The following TAOK1 variants were observed in gnomAD, a reference collection of about 807,000 sequenced individuals.
The protein encoded by TAOK1 is serine/threonine-protein kinase TAO1.
Under a neutral mutation model 138.3 loss-of-function variants are expected in TAOK1, and 21 were observed. The observed-to-expected ratio is 0.15, with a 90% CI of 0.11 to 0.22. The LOEUF (loss-of-function observed/expected upper bound fraction) is 0.22. Ranked by LOEUF, TAOK1 falls within the 10% of genes least tolerant of loss-of-function variation. The pLI is 1.00. For missense variants in TAOK1, 651 were observed against 1,227.7 expected, an observed-to-expected ratio of 0.53 and a Z score of 7.02; for synonymous variants, 361 against 398.4, an observed-to-expected ratio of 0.91 and a Z score of 1.12.
chr17:29,535,000 G>A (rs1423597795), intron 19 of TAOK1, among the ~76,000 whole-genome samples: 1 of 151,768 alleles, frequency 6.6e-6, no homozygotes, highest in African/African-American at 2.4e-5. Context: ...GATTTTGAGA[G>A]GTAAAGAGAA....
chr17:29,463,865 A>G (rs964447998), intron 2 of TAOK1, among the ~76,000 whole-genome samples: 2 of 152,204 alleles, frequency 1.3e-5, no homozygotes, highest in Non-Finnish European at 2.9e-5. Flanking sequence ...TTACAACTCA[A>G]TAATAAAAAG....
Position 29,397,837 on chromosome 17 carries a change from GTA to G in TAOK1, c.-95+6825_-95+6826del, listed in dbSNP as rs765173532. Among the ~76,000 whole-genome samples the G allele has an allele frequency of 3.7e-3, 549 of 147,498 alleles. 2 individuals carry two copies. Among genetic ancestry groups the G allele is most frequent in the South Asian group, 8.4e-3 (40 of 4,776 alleles). ...TATGTATATACATGTATATATATGT[GTA>G]TATATATATATGTATGTCACCATTT... On this transcript the variant is annotated intron_variant, in intron 1 of 19. Transcript: ENST00000261716.
At chr17:29,431,469 A>T (rs1266016337) in intron 1 of TAOK1, among the ~76,000 whole-genome samples, 1 of 151,882 alleles carries the variant, frequency 6.6e-6, no homozygotes, top group African/African-American at 2.4e-5. Context: ...AAAAAACCTT[A>T]GGTTTTTGGA....
At chr17:29,522,162 A>G in intron 16 of TAOK1, 118 bp from the exon 17 acceptor site, 1 of 1,313,422 alleles carries the variant, frequency 7.6e-7, no homozygotes, top group Non-Finnish European at 1.0e-6. Flanking sequence ...TTACTATGCA[A>G]CTATAATTGA....
chr17:29,522,144 C>A, intron 16 of TAOK1, 136 bp from the exon 17 acceptor site: 3 of 1,143,164 alleles, frequency 2.6e-6, no homozygotes, highest in Non-Finnish European at 2.4e-6. Context: ...AAGTCACAAC[C>A]CTCTTATTTA....
Position 29,547,064 on chromosome 17 carries a change from A to G in TAOK1, c.*4042A>G, listed in dbSNP as rs1470255680. The G allele has an allele frequency of 6.6e-6, 1 of 152,156 alleles. No homozygotes were observed. The highest frequency in any genetic ancestry group is 1.9e-4 in the East Asian group (1 of 5,200). 9.4% of individuals were successfully genotyped at this position (152,156 alleles called of 1,614,324 possible). ...TGTTGTGATGCAATAAGAGATAAGTAATGCAGAGAGAAATGAACCATGGAA... is the reference window on the plus strand; with the variant it reads ...TGTTGTGATGCAATAAGAGATAAGTGATGCAGAGAGAAATGAACCATGGAA... On this transcript the variant is annotated 3_prime_UTR_variant, in exon 20 of 20. Transcript: ENST00000261716.
rs543920041 is a variant in TAOK1 at position 29,537,139 on chromosome 17, A to G, written c.2544+2839A>G. On this transcript the variant is annotated intron_variant, in intron 19 of 19. Transcript: ENST00000261716. ...ATATTGGCACTATTAAAGTATGGTT[A>G]TAATTTTAGCTCCACCTAGTGGTTA... Among the ~76,000 whole-genome samples the G allele has an allele frequency of 2.6e-5, 4 of 152,366 alleles. No individual in the cohort carries two copies. In the East Asian group the frequency reaches 7.7e-4, roughly 29 times the overall value.
In TAOK1 at chr17:29,545,228, T is replaced by C. The variant is rs925832192; in HGVS notation, c.*2206T>C. The C allele has an allele frequency of 9.9e-5, 15 of 152,174 alleles. No individual in the cohort carries two copies. Among genetic ancestry groups the C allele is most frequent in the Non-Finnish European group, 1.8e-4 (12 of 68,022 alleles). The allele number at this position is 152,174 out of a possible 1,614,324, so 9.4% of individuals were successfully genotyped here. On this transcript the variant is annotated 3_prime_UTR_variant, in exon 20 of 20. Transcript: ENST00000261716. The stretch of plus-strand genomic sequence containing the variant: ...TAGTCGTCTCAGTATCTTTTTTGCA[T>C]TCAGGTATTATAGCGTTTCCAACAA...
intron 1 of TAOK1, among the ~76,000 whole-genome samples, chr17:29,392,063 A>G: frequency 6.6e-6 from 1 of 152,132 alleles, no homozygotes; most frequent in Non-Finnish European, 1.5e-5. Flanking sequence ...AAAAATACAA[A>G]AAATTAGCTG....
chr17:29,520,451 T>C (rs1042091652), intron 16 of TAOK1, among the ~76,000 whole-genome samples: 1 of 151,424 alleles, frequency 6.6e-6, no homozygotes, highest in Non-Finnish European at 1.5e-5. Flanking sequence ...TGAGACTCTA[T>C]TGCCCAGGCT....
intron 16 of TAOK1, among the ~76,000 whole-genome samples, chr17:29,518,511 A>G (rs1344280811): frequency 6.6e-6 from 1 of 152,094 alleles, no homozygotes; most frequent in Non-Finnish European, 1.5e-5. Context: ...AACTAAATAC[A>G]TATGGTCTTC....
rs71360703 is a variant in TAOK1 at position 29,420,585 on chromosome 17, G to GTTTTTTTTTT, written c.-95+29569_-95+29578dup. Among the ~76,000 whole-genome samples the GTTTTTTTTTT allele has an allele frequency of 1.6e-5, 2 of 123,530 alleles. 1 individual carries two copies. The highest frequency in any genetic ancestry group is 6.1e-5 in the African/African-American group (2 of 32,584). 81.0% of individuals were successfully genotyped at this position (123,530 alleles called of 152,430 possible). The stretch of plus-strand genomic sequence containing the variant: ...ATCTTATGAGGAAAATACTTAATCT[G>GTTTTTTTTTT]TTTTTTTTTTTTTTTTTGAGACGAA... On this transcript the variant is annotated intron_variant, in intron 1 of 19. Coordinates refer to ENST00000261716, the MANE Select transcript of TAOK1 (RefSeq NM_020791.4).
At chr17:29,457,435 T>TGGCTCTGTAACCTAGGCTGGAGTGC (rs1567723625) in intron 2 of TAOK1, among the ~76,000 whole-genome samples, 2 of 124,940 alleles carry the variant, frequency 1.6e-5, no homozygotes, top group Non-Finnish European at 3.3e-5. Flanking sequence ...AGATGGAGTG[T>TGGCTCTGTAACCTAGGCTGGAGTGC]GGCTCTGTAA....
At chr17:29,477,808 AG>A in intron 5 of TAOK1, 102 bp downstream of exon 5, 1 of 597,604 alleles carries the variant, frequency 1.7e-6, no homozygotes, top group African/African-American at 1.9e-5. Flanking sequence ...AAAACTTTCC[AG>A]AAAGAGCAGA....
chr17:29,543,852 A>C lies in TAOK1; in HGVS notation c.*830A>C, dbSNP rs2096062814. The C allele has an allele frequency of 6.6e-6, 1 of 152,174 alleles. No individual in the cohort carries two copies. Among genetic ancestry groups the C allele is most frequent in the Non-Finnish European group, 1.5e-5 (1 of 68,028 alleles). 9.4% of individuals were successfully genotyped at this position (152,174 alleles called of 1,614,324 possible). On this transcript the variant is annotated 3_prime_UTR_variant, in exon 20 of 20. Coordinates refer to ENST00000261716, the MANE Select transcript of TAOK1 (RefSeq NM_020791.4). ...TGAGGATTGCATTAACAAACCTATGAGCCTTCAATGGGGAAGACCAGAAGG... is the reference window on the plus strand; with the variant it reads ...TGAGGATTGCATTAACAAACCTATGCGCCTTCAATGGGGAAGACCAGAAGG...
In TAOK1 at chr17:29,541,874, T is replaced by C. The variant is rs2032323522; in HGVS notation, c.2545-687T>C. On this transcript the variant is annotated intron_variant, in intron 19 of 19. Transcript: ENST00000261716. ...CTCTTTTTATTTTTTTATTTTATTTTACTTTTTATTTTTTTTGTGAGACGG... is the reference window on the plus strand; with the variant it reads ...CTCTTTTTATTTTTTTATTTTATTTCACTTTTTATTTTTTTTGTGAGACGG... Among the ~76,000 whole-genome samples, 3 of 152,246 alleles carry C rather than the reference T, an allele frequency of 2.0e-5. No individual in the cohort carries two copies. The South Asian group carries it at 6.2e-4, about 32-fold the overall frequency.
At chr17:29,467,975 C>T (rs941507618) in intron 3 of TAOK1, among the ~76,000 whole-genome samples, 14 of 150,470 alleles carry the variant, frequency 9.3e-5, no homozygotes, top group East Asian at 7.9e-4. Context: ...TACAGTTGTG[C>T]GCCACCACAC....
intron 1 of TAOK1, among the ~76,000 whole-genome samples, chr17:29,397,683 A>ATATGTATATT (rs57871191): frequency 3.5e-4 from 49 of 138,718 alleles, no homozygotes; most frequent in African/African-American, 1.3e-3. Context: ...ATACATGTAT[A>ATATGTATATT]CATGTATATT....
chr17:29,392,004 C>T (rs1206231206), intron 1 of TAOK1, among the ~76,000 whole-genome samples: 1 of 152,196 alleles, frequency 6.6e-6, no homozygotes, highest in Non-Finnish European at 1.5e-5. Context: ...ATCACGAAGT[C>T]AGGAGATCGA....
Sources: gnomAD v4.1 joint callset for allele counts (sites outside exome capture counted in the v4.1 genomes callset) on GRCh38, gnomAD v4.1.1 for gene constraint, MANE v1.5 for transcripts, NCBI Gene and HGNC (gene_info 2026-07-23, HGNC 2026-07-21) for gene names.